NRP1: variants seen among roughly 807,000 people sequenced by gnomAD.
NRP1 encodes the protein neuropilin 1.
In NRP1, 35 loss-of-function variants were observed where a neutral mutation model predicts 106.7. The observed-to-expected ratio is 0.33, with a 90% CI of 0.25 to 0.43. The LOEUF is 0.43. Among genes scored for constraint, NRP1 ranks in the 20% least tolerant of loss-of-function variants. The pLI is 1.00. For missense variants in NRP1, 1,024 were observed against 1,170.4 expected (o/e 0.87, Z 1.83); for synonymous variants, 437 against 417.9 (o/e 1.05, Z -0.56).
At chr10:33,316,252 G>A (rs1164320003) in intron 2 of NRP1, among the ~76,000 whole-genome samples, 1 of 152,176 alleles carries the variant, frequency 6.6e-6, no homozygotes, top group Non-Finnish European at 1.5e-5. Flanking sequence ...GAGAGACATC[G>A]TAGATAGATA....
Position 33,254,013 on chromosome 10 carries a change from T to C in NRP1, c.981+15A>G. 8 of 1,595,512 alleles carry C rather than the reference T, an allele frequency of 5.0e-6. No individual in the cohort carries two copies. The highest frequency in any genetic ancestry group is 6.8e-6 in the Non-Finnish European group (8 of 1,174,260). ...CTTATTCAATCCTAGATAGGCTTGA[T>C]CTTATGCTGCATACCTGTATCCACT... On this transcript the variant is annotated intron_variant, in intron 6 of 16. Coordinates refer to ENST00000374867, the MANE Select transcript of NRP1 (RefSeq NM_003873.7).
chr10:33,312,704 A>G (rs1440177640), intron 2 of NRP1, among the ~76,000 whole-genome samples: 4 of 152,248 alleles, frequency 2.6e-5, no homozygotes, highest in Non-Finnish European at 5.9e-5. Flanking sequence ...CTGTTTTCCA[A>G]ATAGATACAT....
At chr10:33,314,994 G>A (rs1588979002) in intron 2 of NRP1, among the ~76,000 whole-genome samples, 1 of 152,288 alleles carries the variant, frequency 6.6e-6, no homozygotes, top group African/African-American at 2.4e-5. Context: ...AGGTGGTTTG[G>A]ACCTGAGCCC....
intron 10 of NRP1, chr10:33,206,316 C>T (rs748851548): frequency 1.2e-5 from 6 of 518,856 alleles, no homozygotes; most frequent in Admixed American, 3.9e-5. Flanking sequence ...TTGCCAAAGC[C>T]CTGGCACATG....
At position 33,178,469 on chromosome 10, in the gene NRP1, T is replaced by C. The variant is rs1835495975; in HGVS notation, c.*1607A>G. ...ATTTTTTCAAGGTTGCTGTTATGAA[T>C]TTTTAAAACATTTGTTTGACTTTAT... On this transcript the variant is annotated 3_prime_UTR_variant, in exon 17 of 17. Coordinates refer to ENST00000374867, the MANE Select transcript of NRP1 (RefSeq NM_003873.7). 7.6e-6 allele frequency: 1 copy of C among 131,022 alleles called. No individual in the cohort carries two copies. The highest frequency in any genetic ancestry group is 1.6e-5 in the Non-Finnish European group (1 of 62,608). The allele number at this position is 131,022 out of a possible 1,614,324, so 8.1% of individuals were successfully genotyped here.
chr10:33,222,527 A>ATTTT (rs1243039591), intron 7 of NRP1, among the ~76,000 whole-genome samples: 44 of 113,586 alleles, frequency 3.9e-4, no homozygotes, highest in African/African-American at 1.3e-3. Context: ...TTATTTATTT[A>ATTTT]TTTATTTATT....
At chr10:33,276,732 T>C (rs1843723309) in intron 2 of NRP1, among the ~76,000 whole-genome samples, 1 of 152,212 alleles carries the variant, frequency 6.6e-6, no homozygotes, top group African/African-American at 2.4e-5. Flanking sequence ...TGATTCATTT[T>C]TCCACTGGTT....
At position 33,274,791 on chromosome 10, in the gene NRP1, C is replaced by G. The variant is rs138724920; in HGVS notation, c.249-3935G>C. On this transcript the variant is annotated intron_variant, in intron 2 of 16. Coordinates refer to ENST00000374867, the MANE Select transcript of NRP1 (RefSeq NM_003873.7). ...AATCTCCTTCCAAGAGGACCTCCCC[C>G]CACTGGCATAGTACATTAATAATGG... Among the ~76,000 whole-genome samples, 132 of 152,256 alleles carry G rather than the reference C, an allele frequency of 8.7e-4. 3 individuals carry two copies. In the East Asian group the frequency reaches 0.021, roughly 24 times the overall value.
intron 5 of NRP1, among the ~76,000 whole-genome samples, chr10:33,255,939 A>T (rs1842167325): frequency 6.6e-6 from 1 of 152,148 alleles, no homozygotes; most frequent in Non-Finnish European, 1.5e-5. Flanking sequence ...CTGTCGGTGA[A>T]CTACTTTAGA....
chr10:33,312,199 A>G (rs949060545), intron 2 of NRP1, among the ~76,000 whole-genome samples: 1 of 152,216 alleles, frequency 6.6e-6, no homozygotes, highest in Non-Finnish European at 1.5e-5. Flanking sequence ...TCTGTAATTG[A>G]ATCATTAATA....
intron 2 of NRP1, among the ~76,000 whole-genome samples, chr10:33,307,406 T>C (rs1846243864): frequency 6.6e-6 from 1 of 152,180 alleles, no homozygotes; most frequent in Admixed American, 6.5e-5. Flanking sequence ...CTGTCTTGCA[T>C]GCAAAGCCTA....
chr10:33,237,487 G>GCGCGCGCACACA (rs1554788780), intron 6 of NRP1, among the ~76,000 whole-genome samples: 13 of 144,758 alleles, frequency 9.0e-5, no homozygotes, highest in African/African-American at 2.6e-4. Flanking sequence ...ACATGCGCGC[G>GCGCGCGCACACA]CACACACACA....
intron 11 of NRP1, among the ~76,000 whole-genome samples, chr10:33,200,250 C>T (rs1419516197): frequency 6.6e-6 from 1 of 152,190 alleles, no homozygotes; most frequent in Non-Finnish European, 1.5e-5. Context: ...CGGTTGGGTA[C>T]ACACAGCTCC....
intron 2 of NRP1, among the ~76,000 whole-genome samples, chr10:33,284,921 C>T (rs1459630498): frequency 1.3e-5 from 2 of 152,096 alleles, no homozygotes; most frequent in East Asian, 3.9e-4. Context: ...ATTTACTTTG[C>T]ACAAGCACAG....
At chr10:33,250,628 T>TAA (rs1257395383) in intron 6 of NRP1, among the ~76,000 whole-genome samples, 2 of 152,220 alleles carry the variant, frequency 1.3e-5, no homozygotes, top group African/African-American at 4.8e-5. Flanking sequence ...AAGTGGGTGT[T>TAA]AGAGTCTGAT....
chr10:33,242,668 A>G (rs886363603), intron 6 of NRP1, among the ~76,000 whole-genome samples: 2 of 152,146 alleles, frequency 1.3e-5, no homozygotes, highest in African/African-American at 2.4e-5. Context: ...CCCACTGGAA[A>G]TGTGTATTTT....
chr10:33,318,418 C>A (rs942383777), intron 2 of NRP1, among the ~76,000 whole-genome samples: 1 of 152,102 alleles, frequency 6.6e-6, no homozygotes, highest in Admixed American at 6.5e-5. Context: ...CTAACAGGAT[C>A]CCCTGACAAT....
chr10:33,273,093 A>AGTCGGGG (rs1843428095), intron 2 of NRP1, among the ~76,000 whole-genome samples: 1 of 68,312 alleles, frequency 1.5e-5, no homozygotes, highest in African/African-American at 5.8e-5. Context: ...TGGGGTGGTG[A>AGTCGGGG]GTGGGGGGTG....
intron 2 of NRP1, among the ~76,000 whole-genome samples, chr10:33,282,155 G>T (rs556349449): frequency 2.0e-5 from 3 of 150,636 alleles, no homozygotes; most frequent in Non-Finnish European, 4.4e-5. Context: ...CATGAAATCC[G>T]TTAAGTGTTT....
Sources: gnomAD v4.1 joint callset for allele counts (sites outside exome capture counted in the v4.1 genomes callset) on GRCh38, gnomAD v4.1.1 for gene constraint, MANE v1.5 for transcripts, NCBI Gene and HGNC (gene_info 2026-07-23, HGNC 2026-07-21) for gene names.